CLOCK: variants seen among roughly 807,000 people sequenced by gnomAD.
CLOCK encodes clock circadian regulator, also known as circadian locomoter output cycles protein kaput.
A neutral mutation model predicts 118.4 loss-of-function variants in CLOCK; 43 were observed. The ratio of observed to expected loss-of-function variants is 0.36; its 90% CI spans 0.28 to 0.47. The LOEUF (loss-of-function observed/expected upper bound fraction) is 0.47. Among genes scored for constraint, CLOCK ranks in the 20% least tolerant of loss-of-function variants. CLOCK has a pLI of 1.00. For missense variants in CLOCK, 846 were observed against 999.9 expected, an observed-to-expected ratio of 0.85 and a Z score of 2.08; for synonymous variants, 326 against 339.2, an observed-to-expected ratio of 0.96 and a Z score of 0.43.
At chr4:55,522,878 T>C (rs147330348) in intron 1 of CLOCK, among the ~76,000 whole-genome samples, 11 of 152,234 alleles carry the variant, frequency 7.2e-5, no homozygotes, top group Admixed American at 6.5e-4. Flanking sequence ...CAAAACCTAA[T>C]ATGGTCATAT....
At chr4:55,486,934 T>TC (rs925384176) in intron 3 of CLOCK, among the ~76,000 whole-genome samples, 71 of 152,298 alleles carry the variant, frequency 4.7e-4, no homozygotes, top group African/African-American at 1.5e-3. Flanking sequence ...TCTTTGTTTT[T>TC]CCCCTCTGTT....
Position 55,435,266 on chromosome 4 carries a change from T to C in CLOCK, c.*149A>G. On this transcript the variant is annotated 3_prime_UTR_variant, in exon 23 of 23. Transcript: ENST00000513440. ...TACATCTGTAGCACTAGGCAGCATT[T>C]TCTCTGCCAACTAATTCCAGGAACT... 2 of 920,276 alleles carry C rather than the reference T, an allele frequency of 2.2e-6. No individual in the cohort carries two copies. The highest frequency in any genetic ancestry group is 3.4e-6 in the Non-Finnish European group (2 of 587,634). 57.0% of individuals were successfully genotyped at this position (920,276 alleles called of 1,614,324 possible).
rs368098655 is a variant in CLOCK at position 55,434,999 on chromosome 4, C to T, written c.*416G>A. 4 of 254,282 alleles carry T rather than the reference C, an allele frequency of 1.6e-5. No homozygotes were observed. The East Asian group carries it at 3.8e-4, about 24-fold the overall frequency. The allele number at this position is 254,282 out of a possible 1,614,324, so 15.8% of individuals were successfully genotyped here. ...CTACTGGACTGTCTTCATGGCATCA[C>T]TGTAAGCAAACCCCTGACATGGCAG... On this transcript the variant is annotated 3_prime_UTR_variant, in exon 23 of 23. Transcript: ENST00000513440.
intron 2 of CLOCK, among the ~76,000 whole-genome samples, chr4:55,490,677 T>C (rs1727611850): frequency 6.6e-6 from 1 of 152,224 alleles, no homozygotes; most frequent in Admixed American, 6.5e-5. Context: ...TTATAATGCA[T>C]AATACAATGT....
intron 2 of CLOCK, among the ~76,000 whole-genome samples, chr4:55,504,959 C>T (rs1459600662): frequency 6.6e-6 from 1 of 152,018 alleles, no homozygotes; most frequent in East Asian, 1.9e-4. Flanking sequence ...CCAAGGAAGG[C>T]GGATCATGAG....
At chr4:55,523,700 T>C (rs959477963) in intron 1 of CLOCK, among the ~76,000 whole-genome samples, 12 of 152,156 alleles carry the variant, frequency 7.9e-5, no homozygotes, top group African/African-American at 2.7e-4. Flanking sequence ...CATCTCCACA[T>C]ACATTTCAAA....
intron 21 of CLOCK, among the ~76,000 whole-genome samples, chr4:55,440,033 T>C (rs1054401287): frequency 6.6e-6 from 1 of 151,232 alleles, no homozygotes; most frequent in African/African-American, 2.4e-5. Flanking sequence ...TTTTAATCTA[T>C]AAAAAAAAAC....
At position 55,453,916 on chromosome 4, in the gene CLOCK, C is replaced by CACAT. The variant is rs1165512641; in HGVS notation, c.983-96_983-93dup. On this transcript the variant is annotated intron_variant, in intron 13 of 22. Coordinates refer to ENST00000513440, the MANE Select transcript of CLOCK (RefSeq NM_004898.4). The stretch of plus-strand genomic sequence containing the variant: ...AAGCTATCATTTACATTTAAGTTTA[C>CACAT]ACATACTATTATTTTTCTGGCCTTT... 46 of 936,062 alleles carry CACAT rather than the reference C, an allele frequency of 4.9e-5. 1 individual carries two copies. In the South Asian group the frequency reaches 5.1e-4, roughly 10 times the overall value. The allele number at this position is 936,062 out of a possible 1,614,324, so 58.0% of individuals were successfully genotyped here. A position where few individuals can be genotyped will look rare whatever the true frequency, so the allele number is the denominator to read the frequency against.
chr4:55,503,718 C>T (rs1214612344), intron 2 of CLOCK, among the ~76,000 whole-genome samples: 1 of 151,942 alleles, frequency 6.6e-6, no homozygotes, highest in Non-Finnish European at 1.5e-5. Flanking sequence ...TCTACATCAG[C>T]CTGCCTCTTT....
chr4:55,507,991 T>A (rs562478036), intron 2 of CLOCK, among the ~76,000 whole-genome samples: 1 of 151,890 alleles, frequency 6.6e-6, no homozygotes, highest in South Asian at 2.1e-4. Flanking sequence ...AGATTCAGAG[T>A]GGTAAATGTG....
chr4:55,497,803 C>T (rs1202226702), intron 2 of CLOCK, among the ~76,000 whole-genome samples: 3 of 152,104 alleles, frequency 2.0e-5, no homozygotes, highest in Non-Finnish European at 4.4e-5. Flanking sequence ...GCACATATTT[C>T]CCCTTTTGGA....
chr4:55,458,447 T>G (rs1471310089), intron 11 of CLOCK, among the ~76,000 whole-genome samples: 4 of 152,090 alleles, frequency 2.6e-5, no homozygotes, highest in Non-Finnish European at 4.4e-5. Context: ...CTTCCCTACT[T>G]GTCATCTGTT....
chr4:55,529,500 A>T (rs1000861185), intron 1 of CLOCK, among the ~76,000 whole-genome samples: 1 of 152,236 alleles, frequency 6.6e-6, no homozygotes, highest in East Asian at 1.9e-4. Context: ...ACTTCAAAAA[A>T]ATCATAGTTT....
intron 3 of CLOCK, among the ~76,000 whole-genome samples, chr4:55,487,021 C>T (rs898252866): frequency 1.3e-5 from 2 of 152,050 alleles, no homozygotes; most frequent in Admixed American, 6.6e-5. Context: ...TTTTTCTCTA[C>T]CATTTTCCAT....
At chr4:55,482,111 C>T (rs1322992367) in intron 4 of CLOCK, among the ~76,000 whole-genome samples, 2 of 152,046 alleles carry the variant, frequency 1.3e-5, no homozygotes. Context: ...TCTACTTTTA[C>T]TTTAGGTTCA....
At chr4:55,522,009 G>A (rs1483424447) in intron 1 of CLOCK, among the ~76,000 whole-genome samples, 3 of 152,148 alleles carry the variant, frequency 2.0e-5, no homozygotes, top group African/African-American at 7.2e-5. Flanking sequence ...TAAAAAGGCA[G>A]CATTATAAAC....
At chr4:55,522,203 G>C (rs181671863) in intron 1 of CLOCK, among the ~76,000 whole-genome samples, 7 of 152,154 alleles carry the variant, frequency 4.6e-5, no homozygotes, top group Admixed American at 4.6e-4. Flanking sequence ...CATATCTATA[G>C]AGGAGAAAAT....
chr4:55,469,264 T>A (rs563251938), intron 8 of CLOCK, among the ~76,000 whole-genome samples: 1 of 152,108 alleles, frequency 6.6e-6, no homozygotes, highest in South Asian at 2.1e-4. Context: ...CCCGGCTAAT[T>A]TTGTATTTTT....
intron 8 of CLOCK, among the ~76,000 whole-genome samples, chr4:55,468,894 T>A (rs1230634185): frequency 6.6e-6 from 1 of 152,176 alleles, no homozygotes; most frequent in Non-Finnish European, 1.5e-5. Flanking sequence ...AGCTGAAACA[T>A]TCCTACTGTC....
Sources: allele counts gnomAD v4.1 joint callset (sites outside exome capture counted in the v4.1 genomes callset), GRCh38; gene constraint gnomAD v4.1.1; transcripts MANE v1.5; gene names NCBI Gene and HGNC (gene_info 2026-07-23, HGNC 2026-07-21).